Variants in CENPP observed in about 807,000 individuals in gnomAD.
The protein encoded by CENPP is centromere protein P.
Under a neutral mutation model 35.6 loss-of-function variants are expected in CENPP, and 24 were observed. The ratio of observed to expected loss-of-function variants is 0.67; its 90% CI spans 0.49 to 0.95. The LOEUF (loss-of-function observed/expected upper bound fraction) is 0.95, where lower values mean the gene tolerates loss of function less well. Among genes scored for constraint, CENPP ranks in the 40% least tolerant of loss-of-function variants. The probability of loss-of-function intolerance (pLI) is 0.00; values close to 1 mark genes in which losing one functional copy is unlikely to be tolerated. For missense variants in CENPP, 332 were observed against 345.3 expected (o/e 0.96, Z 0.31); for synonymous variants, 120 against 125.5 (o/e 0.96, Z 0.29).
intron 5 of CENPP, among the ~76,000 whole-genome samples, chr9:92,492,479 TA>T (rs1269433473): frequency 1.3e-5 from 2 of 152,230 alleles, no homozygotes; most frequent in African/African-American, 4.8e-5. Flanking sequence ...CTTTGTGTTT[TA>T]ATGAAAGCAG....
At chr9:92,456,506 A>G (rs1166349894) in intron 5 of CENPP, 3 of 152,642 alleles carry the variant, frequency 2.0e-5, no homozygotes, top group East Asian at 3.8e-4. Context: ...GCAATGTTAT[A>G]TAGCCTAACA....
At chr9:92,405,299 G>C (rs1398528450) in intron 5 of CENPP, among the ~76,000 whole-genome samples, 1 of 151,818 alleles carries the variant, frequency 6.6e-6, no homozygotes, top group Non-Finnish European at 1.5e-5. Context: ...TTTTTAAAGA[G>C]TCACTTTTAA....
chr9:92,347,481 G>A (rs1588047346), intron 4 of CENPP, among the ~76,000 whole-genome samples: 1 of 152,148 alleles, frequency 6.6e-6, no homozygotes, highest in East Asian at 1.9e-4. Context: ...CAGAAGACCT[G>A]GATTTTATTC....
chr9:92,427,174 G>A (rs1205529963), intron 5 of CENPP, among the ~76,000 whole-genome samples: 3 of 152,096 alleles, frequency 2.0e-5, no homozygotes, highest in South Asian at 4.1e-4. Context: ...AATCTTTTTT[G>A]TTGTTGTTGA....
Position 92,580,911 on chromosome 9 carries a change from TC to T in CENPP, c.565-30402del, listed in dbSNP as rs539243587. ...GTGATGTTAGGGTGTCAATTTTGGA[TC>T]TTTCCTGCTTTCTCTTGTGGGCATT... On this transcript the variant is annotated intron_variant, in intron 5 of 7. Coordinates refer to ENST00000375587, the MANE Select transcript of CENPP (RefSeq NM_001012267.3). Among the ~76,000 whole-genome samples, 10 of 152,232 alleles carry T rather than the reference TC, an allele frequency of 6.6e-5. No individual in the cohort carries two copies. The East Asian group carries it at 1.9e-3, about 29-fold the overall frequency.
intron 3 of CENPP, 114 bp downstream of exon 3, chr9:92,337,743 C>T (rs528309022): frequency 5.4e-6 from 4 of 743,596 alleles, no homozygotes; most frequent in South Asian, 4.5e-5. Context: ...GAGCCAGGGC[C>T]CCCCCATTCA....
chr9:92,547,928 G>A (rs961227621), intron 5 of CENPP, among the ~76,000 whole-genome samples: 10 of 152,100 alleles, frequency 6.6e-5, no homozygotes, highest in Admixed American at 6.6e-4. Flanking sequence ...GCAAGAAAAA[G>A]AAGAGAAACA....
intron 5 of CENPP, among the ~76,000 whole-genome samples, chr9:92,598,456 A>C (rs985894086): frequency 2.3e-4 from 35 of 152,222 alleles, no homozygotes; most frequent in Non-Finnish European, 4.9e-4. Context: ...AGGATGTGTC[A>C]GGAGGGAGAA....
At chr9:92,535,875 C>A in intron 5 of CENPP, 1 of 412,386 alleles carries the variant, frequency 2.4e-6, no homozygotes, top group Non-Finnish European at 4.6e-6. Context: ...ATAAAATACC[C>A]AAATATTAAA....
intron 4 of CENPP, among the ~76,000 whole-genome samples, chr9:92,372,513 A>C (rs1588068609): frequency 6.6e-6 from 1 of 152,050 alleles, no homozygotes; most frequent in Non-Finnish European, 1.5e-5. Flanking sequence ...CTTGCTTTGT[A>C]TGTTTTCTTT....
chr9:92,470,980 A>G (rs1035933193), intron 5 of CENPP, among the ~76,000 whole-genome samples: 2 of 152,134 alleles, frequency 1.3e-5, no homozygotes, highest in Non-Finnish European at 2.9e-5. Context: ...TAATTTTTAC[A>G]AGGTGTCTAG....
chr9:92,491,288 G>A (rs946528886), intron 5 of CENPP, among the ~76,000 whole-genome samples: 3 of 152,048 alleles, frequency 2.0e-5, no homozygotes, highest in African/African-American at 7.2e-5. Flanking sequence ...CCTGGGTAGC[G>A]GCACAGGCAC....
chr9:92,415,127 AAGTGTATACCTATAT>A, intron 5 of CENPP: 2 of 1,537,042 alleles, frequency 1.3e-6, no homozygotes, highest in Non-Finnish European at 1.8e-6. Context: ...GTGAAGTCGT[AAGTGTATACCTATAT>A]AGTTTCTTGC....
At chr9:92,592,358 CT>C (rs1850686345) in intron 5 of CENPP, among the ~76,000 whole-genome samples, 1 of 152,158 alleles carries the variant, frequency 6.6e-6, no homozygotes, top group Non-Finnish European at 1.5e-5. Context: ...CACTAGCCTG[CT>C]CTAGAACCTG....
intron 5 of CENPP, among the ~76,000 whole-genome samples, chr9:92,608,642 T>G (rs1296567118): frequency 6.6e-6 from 1 of 152,192 alleles, no homozygotes; most frequent in Non-Finnish European, 1.5e-5. Flanking sequence ...CTATTTCAAG[T>G]TATCAGTGAC....
rs149261236 is a variant in CENPP, at chr9:92,497,297, T to C, written c.565-114017T>C. ...AAAAGGAATGAAGAAATTCTCTACA[T>C]ACTGATGGGGAGTGATATACTGATA... On this transcript the variant is annotated intron_variant, in intron 5 of 7. Transcript: ENST00000375587. Among the ~76,000 whole-genome samples the C allele has an allele frequency of 9.3e-5, 14 of 151,124 alleles. No individual in the cohort carries two copies. In the East Asian group the frequency reaches 2.7e-3, roughly 29 times the overall value.
Position 92,615,732 on chromosome 9 carries a change from A to G in CENPP, c.*2583A>G. 9.9e-7 allele frequency: 1 copy of G among 1,015,062 alleles called. No homozygotes were observed. The highest frequency in any genetic ancestry group is 1.5e-5 in the South Asian group (1 of 65,554). The allele number at this position is 1,015,062 out of a possible 1,614,324, so 62.9% of individuals were successfully genotyped here. A position where few individuals can be genotyped will look rare whatever the true frequency, so the allele number is the denominator to read the frequency against. On this transcript the variant is annotated 3_prime_UTR_variant, in exon 8 of 8. Transcript: ENST00000375587. ...CCCACCTCAAAAGGGGTTAAAAGCAAAAACATTCACAACCAAAGGTCACCC... is the reference window on the plus strand; with the variant it reads ...CCCACCTCAAAAGGGGTTAAAAGCAGAAACATTCACAACCAAAGGTCACCC...
intron 5 of CENPP, among the ~76,000 whole-genome samples, chr9:92,587,481 G>C (rs1020442879): frequency 6.6e-6 from 1 of 152,002 alleles, no homozygotes; most frequent in East Asian, 1.9e-4. Context: ...AAAAAAAAGG[G>C]GGGGGACCAA....
chr9:92,570,656 CCAG>C (rs1310262294), intron 5 of CENPP, among the ~76,000 whole-genome samples: 5 of 152,302 alleles, frequency 3.3e-5, no homozygotes, highest in Middle Eastern at 6.8e-3. Context: ...AGGAATGGTA[CCAG>C]CTCCTCTTTG....
Sources: allele counts gnomAD v4.1 joint callset (sites outside exome capture counted in the v4.1 genomes callset), GRCh38; gene constraint gnomAD v4.1.1; transcripts MANE v1.5; gene names NCBI Gene and HGNC (gene_info 2026-07-23, HGNC 2026-07-21).